GRB10: variants seen among roughly 807,000 people sequenced by gnomAD.
GRB10 encodes the protein growth factor receptor bound protein 10, also known as growth factor receptor-bound protein 10.
GRB10 carries 20 observed loss-of-function variants against 80.9 expected under a neutral mutation model. That is an observed-to-expected ratio of 0.25 (90% CI 0.17 to 0.36). The LOEUF is 0.36. Among genes scored for constraint, GRB10 ranks in the 10% least tolerant of loss-of-function variants. GRB10 has a pLI of 1.00. For synonymous variants in GRB10, 291 were observed against 291.5 expected (o/e 1.00, Z 0.02); for missense variants, 548 against 747.7 (o/e 0.73, Z 3.12).
At chr7:50,765,753 C>T (rs1194057595) in intron 2 of GRB10, among the ~76,000 whole-genome samples, 2 of 151,530 alleles carry the variant, frequency 1.3e-5, no homozygotes, top group African/African-American at 2.4e-5. Flanking sequence ...AATAAGTACA[C>T]TTAATTAAAT....
chr7:50,686,601 A>T (rs1475151918), intron 5 of GRB10, among the ~76,000 whole-genome samples: 4 of 152,076 alleles, frequency 2.6e-5, no homozygotes, highest in African/African-American at 9.7e-5. Flanking sequence ...AGAGGAAAAG[A>T]CTCATGTTTT....
chr7:50,687,089 G>T (rs139534454), intron 5 of GRB10, among the ~76,000 whole-genome samples: 2 of 152,148 alleles, frequency 1.3e-5, no homozygotes, highest in African/African-American at 4.8e-5. Flanking sequence ...TCAATCAAGC[G>T]GTAGAATTTT....
chr7:50,751,127 G>A (rs989740703), intron 3 of GRB10, among the ~76,000 whole-genome samples: 7 of 152,080 alleles, frequency 4.6e-5, no homozygotes, highest in Non-Finnish European at 7.4e-5. Context: ...CTTGGACACT[G>A]CCCTCCTCAC....
At chr7:50,676,784 AC>A (rs1408981117) in intron 5 of GRB10, among the ~76,000 whole-genome samples, 2 of 150,172 alleles carry the variant, frequency 1.3e-5, no homozygotes. Flanking sequence ...GGGCAGGGTC[AC>A]CCCCGGGGGT....
chr7:50,690,560 T>C (rs1272849447), intron 5 of GRB10, among the ~76,000 whole-genome samples: 1 of 152,240 alleles, frequency 6.6e-6, no homozygotes, highest in Non-Finnish European at 1.5e-5. Context: ...GTCCATATGT[T>C]GTGGATCATT....
chr7:50,597,115 T>C (rs530822551), intron 17 of GRB10, among the ~76,000 whole-genome samples: 11 of 152,324 alleles, frequency 7.2e-5, no homozygotes, highest in African/African-American at 1.9e-4. Context: ...GTAAAAGAAA[T>C]ATATTTTACT....
chr7:50,776,973 T>A (rs908163103), intron 2 of GRB10, among the ~76,000 whole-genome samples: 8 of 152,220 alleles, frequency 5.3e-5, no homozygotes, highest in African/African-American at 1.9e-4. Context: ...TGTTCCATCC[T>A]CTACCCATTA....
intron 8 of GRB10, among the ~76,000 whole-genome samples, chr7:50,625,321 G>T (rs78351652): frequency 0.026 from 4,009 of 152,204 alleles, 189 homozygotes; most frequent in African/African-American, 0.093. Context: ...ATTGAGACTT[G>T]TGAATGGGCT....
At chr7:50,789,939 G>T (rs887804153) in intron 1 of GRB10, among the ~76,000 whole-genome samples, 2 of 152,130 alleles carry the variant, frequency 1.3e-5, no homozygotes, top group African/African-American at 4.8e-5. Flanking sequence ...GCCTTTCCAC[G>T]AGTAAGCGGG....
chr7:50,660,750 G>A (rs974325971), intron 7 of GRB10, among the ~76,000 whole-genome samples: 10 of 152,142 alleles, frequency 6.6e-5, no homozygotes, highest in Non-Finnish European at 1.0e-4. Flanking sequence ...TGAAAATGGC[G>A]GGATGAGTTG....
chr7:50,745,666 A>T (rs1170165138), intron 3 of GRB10, among the ~76,000 whole-genome samples: 1 of 152,248 alleles, frequency 6.6e-6, no homozygotes, highest in Non-Finnish European at 1.5e-5. Flanking sequence ...CGAAAAATAA[A>T]AGATGCTCTA....
chr7:50,593,229 A>G, intron 18 of GRB10, 131 bp from the exon 19 acceptor site: 1 of 1,011,264 alleles, frequency 9.9e-7, no homozygotes, highest in Middle Eastern at 2.6e-4. Flanking sequence ...AAGGTAGGCT[A>G]GAAAACACCA....
intron 4 of GRB10, among the ~76,000 whole-genome samples, chr7:50,704,917 TAC>T (rs1288250075): frequency 5.3e-5 from 8 of 152,116 alleles, no homozygotes; most frequent in African/African-American, 1.9e-4. Context: ...GGTCTCGAAC[TAC>T]AGAGTCCACA....
At chr7:50,618,858 T>A (rs1198409550) in intron 9 of GRB10, among the ~76,000 whole-genome samples, 2 of 152,236 alleles carry the variant, frequency 1.3e-5, no homozygotes, top group Non-Finnish European at 2.9e-5. Context: ...GTTTGATCAG[T>A]TCAACTGAGA....
chr7:50,675,427 T>C lies in GRB10; in HGVS notation c.140-769A>G, dbSNP rs185928378. Among the ~76,000 whole-genome samples the C allele has an allele frequency of 1.7e-3, 265 of 152,376 alleles. 3 individuals are homozygous for C. Among genetic ancestry groups the C allele is most frequent in the African/African-American group, 6.0e-3 (251 of 41,598 alleles). ...TTTATGTGCCAACTTGGCTGGGCCA[T>C]GGTGCCAGGTTTTAGCTAAACACTA... On this transcript the variant is annotated intron_variant, in intron 5 of 18. Coordinates refer to ENST00000401949, the MANE Select transcript of GRB10 (RefSeq NM_001350814.2).
intron 3 of GRB10, among the ~76,000 whole-genome samples, chr7:50,746,124 T>C (rs1335450883): frequency 6.6e-6 from 1 of 152,200 alleles, no homozygotes; most frequent in Non-Finnish European, 1.5e-5. Flanking sequence ...TCTGTACAGA[T>C]GGTTCCCAAC....
At chr7:50,789,685 C>T (rs985533469) in intron 1 of GRB10, among the ~76,000 whole-genome samples, 1 of 152,144 alleles carries the variant, frequency 6.6e-6, no homozygotes, top group Non-Finnish European at 1.5e-5. Flanking sequence ...TCTGAAAAGA[C>T]TAGAAGAATC....
chr7:50,623,569 G>A (rs1269842327), intron 8 of GRB10, among the ~76,000 whole-genome samples: 2 of 152,208 alleles, frequency 1.3e-5, no homozygotes, highest in East Asian at 1.9e-4. Context: ...CCAATGGAGG[G>A]TGACCAGCAT....
At chr7:50,684,147 G>A (rs2061840658) in intron 5 of GRB10, among the ~76,000 whole-genome samples, 1 of 151,662 alleles carries the variant, frequency 6.6e-6, no homozygotes. Flanking sequence ...CACACAGCTG[G>A]GCCAACAGCC....
Sources: allele counts gnomAD v4.1 joint callset (sites outside exome capture counted in the v4.1 genomes callset), GRCh38; gene constraint gnomAD v4.1.1; transcripts MANE v1.5; gene names NCBI Gene and HGNC (gene_info 2026-07-23, HGNC 2026-07-21).